Variants in XRRA1 observed in about 807,000 individuals in gnomAD.
The protein encoded by XRRA1 is X-ray radiation resistance-associated protein 1.
XRRA1 carries 69 observed loss-of-function variants against 80.2 expected under a neutral mutation model. That is an observed-to-expected ratio of 0.86 (90% CI 0.71 to 1.05). The LOEUF is 1.05. Ranked by LOEUF, XRRA1 falls within the 50% of genes least tolerant of loss-of-function variation. The probability of loss-of-function intolerance (pLI) is 0.00; values close to 1 mark genes in which losing one functional copy is unlikely to be tolerated. For synonymous variants in XRRA1, 348 were observed against 389.9 expected (o/e 0.89, Z 1.27); for missense variants, 967 against 976.4 (o/e 0.99, Z 0.13).
intron 2 of XRRA1, 107 bp downstream of exon 2, chr11:74,944,911 G>A (rs1278301117): frequency 6.6e-6 from 1 of 152,516 alleles, no homozygotes; most frequent in Non-Finnish European, 1.5e-5. Flanking sequence ...AATGTTAGAT[G>A]TGATGTAATT....
At chr11:74,929,913 A>G (rs1282429073) in intron 6 of XRRA1, among the ~76,000 whole-genome samples, 2 of 152,190 alleles carry the variant, frequency 1.3e-5, no homozygotes, top group African/African-American at 2.4e-5. Flanking sequence ...GTATTCACAC[A>G]GTCCTAATAT....
At chr11:74,947,925 A>C (rs1446078689) in intron 1 of XRRA1, among the ~76,000 whole-genome samples, 1 of 152,048 alleles carries the variant, frequency 6.6e-6, no homozygotes, top group Admixed American at 6.5e-5. Flanking sequence ...GGGTTTCACC[A>C]TGTTGGCCAG....
At chr11:74,864,546 C>T (rs2042983798) in intron 10 of XRRA1, among the ~76,000 whole-genome samples, 1 of 152,152 alleles carries the variant, frequency 6.6e-6, no homozygotes, top group East Asian at 1.9e-4. Context: ...GCTGATCCAC[C>T]AAGCTTGCTC....
At chr11:74,863,086 G>T in intron 10 of XRRA1, 65 bp from the exon 11 acceptor site, 1 of 1,464,066 alleles carries the variant, frequency 6.8e-7, no homozygotes, top group Non-Finnish European at 9.4e-7. Flanking sequence ...GAGCACCCAG[G>T]ATATAGGTCT....
intron 10 of XRRA1, among the ~76,000 whole-genome samples, chr11:74,901,208 C>G (rs1023774707): frequency 6.6e-6 from 1 of 151,852 alleles, no homozygotes; most frequent in African/African-American, 2.4e-5. Flanking sequence ...CAATAGCCAC[C>G]AATAAAATAC....
intron 10 of XRRA1, among the ~76,000 whole-genome samples, chr11:74,865,151 G>A (rs2043125380): frequency 6.6e-6 from 1 of 151,098 alleles, no homozygotes; most frequent in African/African-American, 2.4e-5. Flanking sequence ...TCCCAGCGGG[G>A]CCCAGTGTCA....
intron 11 of XRRA1, among the ~76,000 whole-genome samples, chr11:74,859,963 T>A (rs2041978683): frequency 6.6e-6 from 1 of 152,122 alleles, no homozygotes; most frequent in Admixed American, 6.5e-5. Flanking sequence ...TAACTATACA[T>A]AACTCAGTAC....
intron 4 of XRRA1, among the ~76,000 whole-genome samples, chr11:74,935,911 G>A (rs1292858750): frequency 3.3e-5 from 5 of 152,178 alleles, no homozygotes; most frequent in Non-Finnish European, 5.9e-5. Context: ...TATGGGAAGT[G>A]TTTCTGCCCC....
chr11:74,848,826 T>C (rs1320463271), intron 14 of XRRA1, among the ~76,000 whole-genome samples: 1 of 152,196 alleles, frequency 6.6e-6, no homozygotes, highest in Admixed American at 6.5e-5. Flanking sequence ...CCATACGTAC[T>C]CTGGCCCTCA....
At chr11:74,915,842 C>T (rs1938478154) in intron 8 of XRRA1, among the ~76,000 whole-genome samples, 1 of 152,236 alleles carries the variant, frequency 6.6e-6, no homozygotes, top group African/African-American at 2.4e-5. Context: ...TTACGCAGGG[C>T]GGGACTGGTG....
At chr11:74,931,769 GTTTC>G (rs1943630055) in intron 5 of XRRA1, 1 of 152,126 alleles carries the variant, frequency 6.6e-6, no homozygotes, top group African/African-American at 2.4e-5. Flanking sequence ...ATTCATAAGA[GTTTC>G]TTTAATGATA....
Position 74,930,362 on chromosome 11 carries a change from T to C in XRRA1, c.362A>G (p.Asn121Ser). The C allele has an allele frequency of 1.3e-6, 2 of 1,560,606 alleles. No homozygotes were observed. Among genetic ancestry groups the C allele is most frequent in the Non-Finnish European group, 1.7e-6 (2 of 1,151,330 alleles). The change falls in exon 6 of 19, where the codon AAT becomes AGT. Residue 121 changes from asparagine to serine, a missense_variant. By Grantham distance (46) the Asn-to-Ser change is conservative (BLOSUM62 1). Coordinates refer to ENST00000684022, the MANE Select transcript of XRRA1 (RefSeq NM_001378157.1). ...CACAGAATGAAAATGCTTGAAGTCA[T>C]TTTCCTTGGCCTGTAGGAAAGCATT... is the stretch of plus-strand genomic sequence containing the variant. ...SGLKFSKAKENDFKHFHSVIY... is the reference protein window; with the variant it reads ...SGLKFSKAKESDFKHFHSVIY...
At chr11:74,897,715 A>AAG (rs1311786950) in intron 10 of XRRA1, among the ~76,000 whole-genome samples, 1 of 150,780 alleles carries the variant, frequency 6.6e-6, no homozygotes, top group Non-Finnish European at 1.5e-5. Context: ...CTAAAAAAAA[A>AAG]AAAAAAAGAA....
intron 10 of XRRA1, among the ~76,000 whole-genome samples, chr11:74,885,292 A>T (rs984596795): frequency 6.6e-6 from 1 of 152,176 alleles, no homozygotes; most frequent in Non-Finnish European, 1.5e-5. Context: ...CAACAAATAC[A>T]GGAGTTGTTT....
chr11:74,851,417 T>TA (rs769119748), intron 13 of XRRA1, among the ~76,000 whole-genome samples: 1 of 152,132 alleles, frequency 6.6e-6, no homozygotes, highest in South Asian at 2.1e-4. Flanking sequence ...ACAGAGAGGC[T>TA]AAGGAATTTG....
chr11:74,943,161 T>C (rs910208651), intron 2 of XRRA1, among the ~76,000 whole-genome samples: 1 of 152,228 alleles, frequency 6.6e-6, no homozygotes, highest in African/African-American at 2.4e-5. Context: ...GACTCTTCAA[T>C]ACCAATTTAC....
intron 10 of XRRA1, among the ~76,000 whole-genome samples, chr11:74,878,867 C>G (rs2046748908): frequency 6.6e-6 from 1 of 151,842 alleles, no homozygotes; most frequent in Non-Finnish European, 1.5e-5. Flanking sequence ...GTTACTGTAG[C>G]CTTATAGTAT....
intron 12 of XRRA1, among the ~76,000 whole-genome samples, chr11:74,856,541 CTGTGGCAGAA>C (rs970741944): frequency 1.3e-5 from 2 of 152,342 alleles, no homozygotes; most frequent in African/African-American, 4.8e-5. Context: ...ACTGGCCTGC[CTGTGGCAGAA>C]TGTGGCAGAT....
intron 10 of XRRA1, among the ~76,000 whole-genome samples, chr11:74,866,763 T>G (rs1056099281): frequency 2.7e-5 from 4 of 150,870 alleles, no homozygotes; most frequent in African/African-American, 9.8e-5. Flanking sequence ...GAGGAATCAG[T>G]GAGCTCAAAG....
Sources: allele counts gnomAD v4.1 joint callset (sites outside exome capture counted in the v4.1 genomes callset), GRCh38; gene constraint gnomAD v4.1.1; transcripts MANE v1.5; gene names NCBI Gene and HGNC (gene_info 2026-07-23, HGNC 2026-07-21).